The following BMPER variants were observed in gnomAD, a reference collection of about 807,000 sequenced individuals.
BMPER encodes the protein BMP binding endothelial regulator, also known as BMP-binding endothelial regulator protein.
BMPER carries 45 observed loss-of-function variants against 87.3 expected under a neutral mutation model. The ratio of observed to expected loss-of-function variants is 0.52; its 90% CI spans 0.41 to 0.66. BMPER has a LOEUF of 0.66. BMPER is among the 30% of genes least tolerant of loss of function. BMPER has a pLI of 0.00. For missense variants in BMPER, 784 were observed against 867.5 expected (o/e 0.90, Z 1.21); for synonymous variants, 326 against 316.2 (o/e 1.03, Z -0.33).
Position 33,905,568 on chromosome 7 carries a change from C to A in BMPER, c.-46C>A. On this transcript the variant is annotated 5_prime_UTR_variant, in exon 1 of 15. Coordinates refer to ENST00000649409, the MANE Select transcript of BMPER (RefSeq NM_001365308.1). ...GTGAGCTGCGGCAGCTGAGCAGAGG[C>A]GGCGGCGCGGGACCTGCAGTCGCCA... 6.2e-7 allele frequency: 1 copy of A among 1,603,938 alleles called. No homozygotes were observed.
At chr7:34,050,958 G>C (rs1272426294) in intron 7 of BMPER, among the ~76,000 whole-genome samples, 1 of 152,148 alleles carries the variant, frequency 6.6e-6, no homozygotes, top group Non-Finnish European at 1.5e-5. Context: ...TAACTGAAAT[G>C]CTATCTTAGT....
At chr7:34,008,725 A>G (rs1786800677) in intron 6 of BMPER, among the ~76,000 whole-genome samples, 2 of 152,058 alleles carry the variant, frequency 1.3e-5, no homozygotes, top group South Asian at 2.1e-4. Context: ...CTTGAATGGC[A>G]ATGTCCCAAT....
chr7:34,060,584 A>C (rs1238525605), intron 10 of BMPER, among the ~76,000 whole-genome samples: 1 of 152,228 alleles, frequency 6.6e-6, no homozygotes, highest in Non-Finnish European at 1.5e-5. Context: ...TGATGCAAAA[A>C]CAAATCAGAC....
At chr7:34,067,752 C>T (rs1463417862) in intron 11 of BMPER, among the ~76,000 whole-genome samples, 1 of 152,178 alleles carries the variant, frequency 6.6e-6, no homozygotes, top group East Asian at 1.9e-4. Context: ...CCCACTGTAC[C>T]ACACATGGTG....
intron 11 of BMPER, among the ~76,000 whole-genome samples, chr7:34,071,929 G>A (rs1376077305): frequency 6.6e-6 from 1 of 152,186 alleles, no homozygotes; most frequent in Middle Eastern, 3.2e-3. Flanking sequence ...GAGGATTTGA[G>A]TGTCTACACA....
intron 2 of BMPER, among the ~76,000 whole-genome samples, chr7:33,935,201 G>C (rs1784574051): frequency 6.6e-6 from 1 of 152,124 alleles, no homozygotes; most frequent in Non-Finnish European, 1.5e-5. Context: ...AAGGGGGTGA[G>C]GGAAGGAGTT....
At chr7:34,150,711 C>T (rs1417868939) in intron 14 of BMPER, among the ~76,000 whole-genome samples, 1 of 152,144 alleles carries the variant, frequency 6.6e-6, no homozygotes. Flanking sequence ...TGTCAATCCA[C>T]CCACTCACTC....
At position 33,950,759 on chromosome 7, in the gene BMPER, AG is replaced by A. The variant is rs145365954; in HGVS notation, c.319+13374del. On this transcript the variant is annotated intron_variant, in intron 3 of 14. Coordinates refer to ENST00000649409, the MANE Select transcript of BMPER (RefSeq NM_001365308.1). ...CATTCACAGGTTTTGCCCACACTCA[AG>A]GGAAGGATTGCACAAAGTAGGTGTA... Among the ~76,000 whole-genome samples, 810 of 152,256 alleles carry A rather than the reference AG, an allele frequency of 5.3e-3. 5 individuals are homozygous for A. Among genetic ancestry groups the A allele is most frequent in the African/African-American group, 0.017 (696 of 41,542 alleles).
chr7:34,152,461 G>T (rs1376952586), intron 14 of BMPER, among the ~76,000 whole-genome samples: 1 of 152,142 alleles, frequency 6.6e-6, no homozygotes, highest in East Asian at 1.9e-4. Flanking sequence ...AGTCAATAAA[G>T]ATAGTAAATT....
At chr7:34,036,793 C>T (rs959580502) in intron 6 of BMPER, among the ~76,000 whole-genome samples, 6 of 152,100 alleles carry the variant, frequency 3.9e-5, no homozygotes, top group South Asian at 2.1e-4. Flanking sequence ...CAAACAATAT[C>T]GCAGTCTTTC....
At chr7:34,152,022 G>T (rs1189472593) in intron 14 of BMPER, among the ~76,000 whole-genome samples, 3 of 152,140 alleles carry the variant, frequency 2.0e-5, no homozygotes, top group Non-Finnish European at 2.9e-5. Context: ...TCAACATTTT[G>T]TGGCAACTCT....
At chr7:33,991,803 T>C (rs1451057365) in intron 6 of BMPER, among the ~76,000 whole-genome samples, 54 of 148,552 alleles carry the variant, frequency 3.6e-4, no homozygotes, top group African/African-American at 1.3e-3. Context: ...TCCCAGAGAT[T>C]CTGGTATGTT....
chr7:33,964,294 G>C (rs370159257), intron 3 of BMPER, among the ~76,000 whole-genome samples: 1 of 152,160 alleles, frequency 6.6e-6, no homozygotes, highest in African/African-American at 2.4e-5. Flanking sequence ...GGTAGGTGAA[G>C]AATGAAAAGG....
rs1053095901 is a variant in BMPER, at chr7:34,007,699, G to T, written c.576+32915G>T. 9.2e-5 allele frequency among the ~76,000 whole-genome samples: 14 copies of T among 151,586 alleles called. 1 individual carries two copies. Among genetic ancestry groups the T allele is most frequent in the Admixed American group, 9.2e-4 (14 of 15,212 alleles). ...AGGATAATTTACTCATAGGTATAGG[G>T]GTAATTTATTTATGCATGTAAGTAT... On this transcript the variant is annotated intron_variant, in intron 6 of 14. Transcript: ENST00000649409.
intron 3 of BMPER, among the ~76,000 whole-genome samples, chr7:33,961,343 G>A (rs1785265171): frequency 6.6e-6 from 1 of 152,146 alleles, no homozygotes; most frequent in African/African-American, 2.4e-5. Context: ...GATCCAATTT[G>A]TCTAGAATAA....
At chr7:34,145,588 T>C (rs1790996055) in intron 14 of BMPER, among the ~76,000 whole-genome samples, 1 of 152,194 alleles carries the variant, frequency 6.6e-6, no homozygotes, top group South Asian at 2.1e-4. Flanking sequence ...TCTTGAATAC[T>C]CCTAGCTCCC....
At chr7:34,097,588 C>T (rs900001912) in intron 13 of BMPER, among the ~76,000 whole-genome samples, 6 of 152,026 alleles carry the variant, frequency 3.9e-5, no homozygotes, top group Non-Finnish European at 7.4e-5. Flanking sequence ...AATGGAATCA[C>T]CTACAGAGCT....
In BMPER at chr7:34,051,838, A is replaced by T. The variant is rs142705208; in HGVS notation, c.677-23A>T. 3.2e-6 allele frequency: 5 copies of T among 1,571,838 alleles called. No homozygotes were observed. In the East Asian group the frequency reaches 1.1e-4, roughly 35 times the overall value. ...ACATCCCCGATTCTGTCTTACTTACACTGTGCTTCTGTTTCTCTCTAGGTC... is the reference window on the plus strand; with the variant it reads ...ACATCCCCGATTCTGTCTTACTTACTCTGTGCTTCTGTTTCTCTCTAGGTC... On this transcript the variant is annotated intron_variant, in intron 7 of 14. Transcript: ENST00000649409.
intron 3 of BMPER, among the ~76,000 whole-genome samples, chr7:33,965,032 T>G (rs1259154984): frequency 6.6e-6 from 1 of 152,202 alleles, no homozygotes; most frequent in Non-Finnish European, 1.5e-5. Context: ...TCAGTAAGAT[T>G]TATGCTAGCC....
Sources: gnomAD v4.1 joint callset for allele counts (sites outside exome capture counted in the v4.1 genomes callset) on GRCh38, gnomAD v4.1.1 for gene constraint, MANE v1.5 for transcripts, NCBI Gene and HGNC (gene_info 2026-07-23, HGNC 2026-07-21) for gene names.